STRN3: variants seen among roughly 807,000 people sequenced by gnomAD.
STRN3 encodes the protein striatin-3.
STRN3 carries 29 observed loss-of-function variants against 95.6 expected under a neutral mutation model. That is an observed-to-expected ratio of 0.30 (90% CI 0.23 to 0.41). The LOEUF (loss-of-function observed/expected upper bound fraction) is 0.41, where lower values mean the gene tolerates loss of function less well. Among genes scored for constraint, STRN3 ranks in the 10% least tolerant of loss-of-function variants. The pLI is 1.00. For missense variants in STRN3, 890 were observed against 972.1 expected (o/e 0.92, Z 1.12); for synonymous variants, 331 against 357.6 (o/e 0.93, Z 0.84).
At chr14:31,018,750 G>T in intron 1 of STRN3, 1 of 472,556 alleles carries the variant, frequency 2.1e-6, no homozygotes, top group South Asian at 1.6e-5. Context: ...ATGGTGCTCC[G>T]AACTTGCTCA....
At chr14:30,992,223 C>G (rs1186324366) in intron 1 of STRN3, among the ~76,000 whole-genome samples, 1 of 151,654 alleles carries the variant, frequency 6.6e-6, no homozygotes, top group Non-Finnish European at 1.5e-5. Context: ...ACAGCCTGGC[C>G]AACATGGCAA....
chr14:30,907,031 T>C lies in STRN3; in HGVS notation c.1734A>G (p.Leu578=), dbSNP rs1242771724. 1 of 1,610,328 alleles carries C rather than the reference T, an allele frequency of 6.2e-7. No homozygotes were observed. Among genetic ancestry groups the C allele is most frequent in the Non-Finnish European group, 8.5e-7 (1 of 1,179,076 alleles). The change falls in exon 14 of 18, where the codon CTA becomes CTG. Residue 578 remains leucine (L), a synonymous_variant. Transcript: ENST00000357479. The part of the protein sequence containing the change: ...DPYDTYEPNV[L]AGTLVGHTDA... ...CTGTATGACCAACTAAAGTGCCAGC[T>C]AGAACATTTGGCTCTGGGGAAAAAA...
At chr14:31,024,460 T>C (rs1223820359) in intron 1 of STRN3, among the ~76,000 whole-genome samples, 1 of 152,244 alleles carries the variant, frequency 6.6e-6, no homozygotes, top group Non-Finnish European at 1.5e-5. Flanking sequence ...TTCAGCTTTT[T>C]TAAAGTTATG....
At chr14:30,949,473 T>G (rs891214177) in intron 4 of STRN3, among the ~76,000 whole-genome samples, 3 of 152,158 alleles carry the variant, frequency 2.0e-5, no homozygotes, top group African/African-American at 7.2e-5. Context: ...TAGCCGGGCA[T>G]GGTGGCATGC....
intron 5 of STRN3, among the ~76,000 whole-genome samples, chr14:30,944,494 ATATATATACATG>A (rs1879247364): frequency 6.7e-6 from 1 of 148,750 alleles, no homozygotes; most frequent in South Asian, 2.1e-4. Flanking sequence ...ATATATACAC[ATATATATACATG>A]TATATATACA....
intron 1 of STRN3, among the ~76,000 whole-genome samples, chr14:31,001,732 C>T (rs2139291474): frequency 6.6e-6 from 1 of 152,300 alleles, no homozygotes; most frequent in African/African-American, 2.4e-5. Context: ...GGAAGCAACT[C>T]AAGTCTCCAT....
chr14:30,921,570 C>G (rs910201544), intron 8 of STRN3, among the ~76,000 whole-genome samples: 3 of 152,156 alleles, frequency 2.0e-5, no homozygotes, highest in African/African-American at 7.2e-5. Context: ...TAGTAGTAGT[C>G]TTTACTCTAT....
chr14:30,967,333 T>A (rs1594512270), intron 1 of STRN3, among the ~76,000 whole-genome samples: 3 of 145,154 alleles, frequency 2.1e-5, no homozygotes, highest in South Asian at 2.2e-4. Context: ...AGACAGAGAG[T>A]CAGAGAGAGA....
chr14:30,962,357 T>A (rs1397529124), intron 1 of STRN3, among the ~76,000 whole-genome samples: 1 of 152,174 alleles, frequency 6.6e-6, no homozygotes, highest in Non-Finnish European at 1.5e-5. Flanking sequence ...AAGCTATTAT[T>A]GAAGAAAAAA....
At chr14:30,969,263 A>G (rs1594515562) in intron 1 of STRN3, among the ~76,000 whole-genome samples, 2 of 152,230 alleles carry the variant, frequency 1.3e-5, no homozygotes, top group South Asian at 4.1e-4. Flanking sequence ...GTGAAACACC[A>G]TCTCTACTAA....
intron 7 of STRN3, among the ~76,000 whole-genome samples, chr14:30,929,614 C>T (rs1208883293): frequency 6.6e-6 from 1 of 151,974 alleles, no homozygotes; most frequent in Admixed American, 6.6e-5. Flanking sequence ...AAAAATAGAT[C>T]ACTGCATCTT....
At chr14:30,984,523 C>T (rs746532800) in intron 1 of STRN3, among the ~76,000 whole-genome samples, 19 of 152,012 alleles carry the variant, frequency 1.2e-4, no homozygotes, top group Non-Finnish European at 2.6e-4. Context: ...ATAAGGATAG[C>T]AACTATAGCA....
intron 1 of STRN3, among the ~76,000 whole-genome samples, chr14:30,978,881 A>G (rs1033575597): frequency 6.6e-6 from 1 of 151,972 alleles, no homozygotes; most frequent in African/African-American, 2.4e-5. Flanking sequence ...AAAAAATACA[A>G]AAGTTAGCTG....
At chr14:30,997,374 G>A (rs546422951) in intron 1 of STRN3, among the ~76,000 whole-genome samples, 55 of 152,210 alleles carry the variant, frequency 3.6e-4, no homozygotes, top group Admixed American at 1.6e-3. Flanking sequence ...TCCTCTGTCT[G>A]GCCCCTACAC....
chr14:30,957,468 A>AAG (rs10656199), intron 1 of STRN3, among the ~76,000 whole-genome samples: 21 of 139,132 alleles, frequency 1.5e-4, no homozygotes, highest in Admixed American at 4.5e-4. Flanking sequence ...AAAAAAAAAA[A>AAG]AGAGAGAGAG....
chr14:30,957,051 G>A (rs111914159), intron 1 of STRN3, among the ~76,000 whole-genome samples: 14,690 of 152,180 alleles, frequency 0.097, 768 homozygotes, highest in South Asian at 0.16. Context: ...CCAGCTACCC[G>A]AAAGCCTGAG....
intron 15 of STRN3, among the ~76,000 whole-genome samples, chr14:30,903,734 A>G (rs1896387329): frequency 6.6e-6 from 1 of 152,246 alleles, no homozygotes; most frequent in African/African-American, 2.4e-5. Flanking sequence ...AATGAAAATC[A>G]AAAGTAAAAT....
intron 1 of STRN3, chr14:31,014,516 G>T: frequency 2.9e-6 from 1 of 342,584 alleles, no homozygotes; most frequent in Non-Finnish European, 5.8e-6. Flanking sequence ...CACTGCGCCC[G>T]GCCAAAGTGC....
chr14:30,911,836 G>A lies in STRN3; in HGVS notation c.1551-12C>T, dbSNP rs780588926. 6.2e-6 allele frequency: 10 copies of A among 1,600,486 alleles called. No individual in the cohort carries two copies. In the Admixed American group the frequency reaches 1.4e-4, roughly 23 times the overall value. On this transcript the variant is annotated splice_polypyrimidine_tract_variant and intron_variant, in intron 11 of 17. Coordinates refer to ENST00000357479, the MANE Select transcript of STRN3 (RefSeq NM_001083893.2). ...CTAAAGAGGCACTCCTAAAAGAGGG[G>A]GAAAAAGGGTAGGGGAAGAGAAGGC...
Sources: allele counts gnomAD v4.1 joint callset (sites outside exome capture counted in the v4.1 genomes callset), GRCh38; gene constraint gnomAD v4.1.1; transcripts MANE v1.5; gene names NCBI Gene and HGNC (gene_info 2026-07-23, HGNC 2026-07-21).